Variants in DPP10 observed in about 807,000 individuals in gnomAD.
The protein encoded by DPP10 is inactive dipeptidyl peptidase 10.
A neutral mutation model predicts 120.9 loss-of-function variants in DPP10; 33 were observed. The observed-to-expected ratio is 0.27, with a 90% CI of 0.21 to 0.37. DPP10 has a LOEUF of 0.37. Ranked by LOEUF, DPP10 falls within the 10% of genes least tolerant of loss-of-function variation. The pLI is 1.00. For synonymous variants in DPP10, 337 were observed against 326.1 expected, an observed-to-expected ratio of 1.03 and a Z score of -0.36; for missense variants, 816 against 942.8, an observed-to-expected ratio of 0.87 and a Z score of 1.76.
chr2:115,329,723 G>T (rs2062591994), intron 2 of DPP10, among the ~76,000 whole-genome samples: 1 of 152,144 alleles, frequency 6.6e-6, no homozygotes, highest in African/African-American at 2.4e-5. Context: ...TGCTGAGAAT[G>T]ATGGTTTCCA....
At chr2:115,726,674 T>C (rs1408525028) in intron 7 of DPP10, among the ~76,000 whole-genome samples, 2 of 152,136 alleles carry the variant, frequency 1.3e-5, no homozygotes, top group Non-Finnish European at 2.9e-5. Flanking sequence ...AATAATTAAA[T>C]ACACCCACCT....
intron 5 of DPP10, among the ~76,000 whole-genome samples, chr2:115,552,755 A>AATG (rs2079955471): frequency 2.0e-5 from 3 of 152,230 alleles, no homozygotes; most frequent in Non-Finnish European, 2.9e-5. Context: ...GAAAAACCTT[A>AATG]CTCAGAAACC....
At chr2:114,495,286 T>C (rs146919974) in intron 1 of DPP10, among the ~76,000 whole-genome samples, 371 of 152,280 alleles carry the variant, frequency 2.4e-3, no homozygotes, top group Admixed American at 4.5e-3. Flanking sequence ...AGTCCATTAA[T>C]TCAGAACTCT....
intron 1 of DPP10, among the ~76,000 whole-genome samples, chr2:115,103,776 A>G (rs150461222): frequency 6.6e-6 from 1 of 152,332 alleles, no homozygotes; most frequent in Non-Finnish European, 1.5e-5. Flanking sequence ...GATAGCAAAA[A>G]TTCAATGTAT....
intron 1 of DPP10, among the ~76,000 whole-genome samples, chr2:114,668,353 G>A (rs889187951): frequency 4.6e-5 from 7 of 152,112 alleles, no homozygotes; most frequent in African/African-American, 1.2e-4. Context: ...ATGTCCTAGC[G>A]CAGAAAGAAA....
intron 1 of DPP10, among the ~76,000 whole-genome samples, chr2:115,254,820 A>G (rs2058909821): frequency 6.6e-6 from 1 of 152,202 alleles, no homozygotes; most frequent in Non-Finnish European, 1.5e-5. Flanking sequence ...GATCCAGGTC[A>G]CCCTGATGCA....
intron 3 of DPP10, among the ~76,000 whole-genome samples, chr2:115,463,632 G>C (rs1044573447): frequency 6.6e-6 from 1 of 152,132 alleles, no homozygotes; most frequent in African/African-American, 2.4e-5. Context: ...TTCCTTATGT[G>C]ATGAGTATTG....
At chr2:114,651,999 C>G (rs776088736) in intron 1 of DPP10, among the ~76,000 whole-genome samples, 2 of 152,092 alleles carry the variant, frequency 1.3e-5, no homozygotes, top group Non-Finnish European at 1.5e-5. Context: ...CCAGATGATT[C>G]CTATCCGTGA....
chr2:114,630,008 A>G (rs1233608234), intron 1 of DPP10, among the ~76,000 whole-genome samples: 2 of 152,238 alleles, frequency 1.3e-5, no homozygotes, highest in East Asian at 3.9e-4. Flanking sequence ...ATACTATAAG[A>G]CCATATGTAT....
At chr2:114,749,224 G>A (rs906724883) in intron 1 of DPP10, among the ~76,000 whole-genome samples, 1 of 149,886 alleles carries the variant, frequency 6.7e-6, no homozygotes, top group Non-Finnish European at 1.5e-5. Flanking sequence ...GTCTGTTCAT[G>A]TCCTTCGCCC....
intron 1 of DPP10, among the ~76,000 whole-genome samples, chr2:115,173,702 A>T (rs2053519209): frequency 6.6e-6 from 1 of 152,316 alleles, no homozygotes; most frequent in South Asian, 2.1e-4. Context: ...TATTAGTAAC[A>T]TGCACTGTGG....
intron 1 of DPP10, among the ~76,000 whole-genome samples, chr2:114,582,687 CG>C (rs1458732058): frequency 6.6e-6 from 1 of 152,088 alleles, no homozygotes; most frequent in Admixed American, 6.5e-5. Flanking sequence ...TCGTTGATGA[CG>C]TATGATGTAG....
At chr2:114,586,660 G>C (rs138983832) in intron 1 of DPP10, among the ~76,000 whole-genome samples, 54 of 152,292 alleles carry the variant, frequency 3.5e-4, no homozygotes, top group African/African-American at 1.3e-3. Context: ...CTGAGTCTCA[G>C]GTTGAAACTG....
chr2:115,186,491 TA>T (rs2054445786), intron 1 of DPP10, among the ~76,000 whole-genome samples: 1 of 152,170 alleles, frequency 6.6e-6, no homozygotes, highest in Non-Finnish European at 1.5e-5. Context: ...TTGCTTAGCT[TA>T]TCCTTGGTGG....
At position 115,389,409 on chromosome 2, in the gene DPP10, G is replaced by A. The variant is rs183087940; in HGVS notation, c.271+45497G>A. 5.3e-5 allele frequency among the ~76,000 whole-genome samples: 8 copies of A among 152,172 alleles called. No individual in the cohort carries two copies. The East Asian group carries it at 1.5e-3, about 29-fold the overall frequency. On this transcript the variant is annotated intron_variant, in intron 3 of 25. Transcript: ENST00000410059. Reference sequence around the variant, plus strand: ...CTTTTATAAAAGTTAATTATTACTTGTATATTAATTTGTTTAATTTTGTTT... The same window carrying A: ...CTTTTATAAAAGTTAATTATTACTTATATATTAATTTGTTTAATTTTGTTT...
chr2:115,471,439 T>C (rs959134375), intron 3 of DPP10, among the ~76,000 whole-genome samples: 8 of 152,132 alleles, frequency 5.3e-5, no homozygotes, highest in Admixed American at 3.3e-4. Context: ...CTTAGAATAG[T>C]ATAAGGCTGT....
intron 1 of DPP10, among the ~76,000 whole-genome samples, chr2:114,471,133 C>T (rs927969072): frequency 2.6e-5 from 4 of 152,144 alleles, no homozygotes; most frequent in Non-Finnish European, 5.9e-5. Context: ...GTACATACCA[C>T]ATCATTAAAA....
At chr2:115,558,209 G>T (rs531704067) in intron 5 of DPP10, among the ~76,000 whole-genome samples, 2 of 152,252 alleles carry the variant, frequency 1.3e-5, no homozygotes, top group African/African-American at 2.4e-5. Flanking sequence ...GATCCACCAT[G>T]CAACTATTGG....
rs549015122 is a variant in DPP10, at chr2:114,893,462, T to TG, written c.61-415771dup. Among the ~76,000 whole-genome samples the TG allele has an allele frequency of 1.9e-3, 295 of 151,868 alleles. 1 individual carries two copies. The highest frequency in any genetic ancestry group is 6.5e-3 in the African/African-American group (269 of 41,366). On this transcript the variant is annotated intron_variant, in intron 1 of 25. Transcript: ENST00000410059. ...TGAAAATCAGGCAGCTTTTGAATAT[T>TG]GGGGGGTGGATGGGGGAAAGTTATG... is the stretch of plus-strand genomic sequence containing the variant.
Sources: allele counts gnomAD v4.1 joint callset (sites outside exome capture counted in the v4.1 genomes callset), GRCh38; gene constraint gnomAD v4.1.1; transcripts MANE v1.5; gene names NCBI Gene and HGNC (gene_info 2026-07-23, HGNC 2026-07-21).